The following HIBADH variants were observed in gnomAD, a reference collection of about 807,000 sequenced individuals.
HIBADH encodes 3-hydroxyisobutyrate dehydrogenase, mitochondrial.
HIBADH carries 25 observed loss-of-function variants against 36.1 expected under a neutral mutation model. The observed-to-expected ratio is 0.69, with a 90% CI of 0.50 to 0.97. HIBADH has a LOEUF of 0.97. HIBADH is among the 50% of genes least tolerant of loss of function. The pLI is 0.00. For missense variants in HIBADH, 421 were observed against 418.0 expected, an observed-to-expected ratio of 1.01 and a Z score of -0.06; for synonymous variants, 160 against 149.5, an observed-to-expected ratio of 1.07 and a Z score of -0.51.
rs544683853 is a variant in HIBADH, at chr7:27,620,515, A to C, written c.484+8856T>G. On this transcript the variant is annotated intron_variant, in intron 4 of 7. Transcript: ENST00000265395. ...AAAAACAAACCAAAACAAAACAAAA[A>C]AAAAACCCTGGCAGCCAAGAATACT... 3.0e-4 allele frequency among the ~76,000 whole-genome samples: 46 copies of C among 152,060 alleles called. No homozygotes were observed. In the South Asian group the frequency reaches 4.2e-3, roughly 14 times the overall value.
chr7:27,566,262 G>A (rs1784547255), intron 4 of HIBADH, among the ~76,000 whole-genome samples: 1 of 151,966 alleles, frequency 6.6e-6, no homozygotes, highest in Non-Finnish European at 1.5e-5. Flanking sequence ...AAATGTGGTA[G>A]AATTCATCAC....
chr7:27,526,002 T>A lies in HIBADH; in HGVS notation c.*212A>T, dbSNP rs1021267843. 3 of 352,650 alleles carry A rather than the reference T, an allele frequency of 8.5e-6. No individual in the cohort carries two copies. In the South Asian group the frequency reaches 2.3e-4, roughly 27 times the overall value. 21.8% of individuals were successfully genotyped at this position (352,650 alleles called of 1,614,324 possible). A position where few individuals can be genotyped will look rare whatever the true frequency, so the allele number is the denominator to read the frequency against. Reference sequence around the variant, plus strand: ...GTCAATTAAGCTAGTTAGCAGAGACTATCAGTGGCTTGCAGAAAAAAAATT... The same window carrying A: ...GTCAATTAAGCTAGTTAGCAGAGACAATCAGTGGCTTGCAGAAAAAAAATT... On this transcript the variant is annotated 3_prime_UTR_variant, in exon 8 of 8. Transcript: ENST00000265395.
At chr7:27,596,543 C>T (rs1785036880) in intron 4 of HIBADH, among the ~76,000 whole-genome samples, 1 of 152,214 alleles carries the variant, frequency 6.6e-6, no homozygotes, top group Admixed American at 6.5e-5. Flanking sequence ...CTTAAAATTT[C>T]TCCTACTGAT....
intron 4 of HIBADH, among the ~76,000 whole-genome samples, chr7:27,593,462 T>C (rs553304053): frequency 2.0e-5 from 3 of 152,196 alleles, no homozygotes; most frequent in Admixed American, 6.5e-5. Flanking sequence ...AAACATAATA[T>C]TGGTTGAGGA....
chr7:27,656,831 T>C (rs1786316633), intron 1 of HIBADH, among the ~76,000 whole-genome samples: 1 of 152,208 alleles, frequency 6.6e-6, no homozygotes, highest in Non-Finnish European at 1.5e-5. Flanking sequence ...TTTCATCAAA[T>C]GGGCATATGG....
intron 4 of HIBADH, among the ~76,000 whole-genome samples, chr7:27,610,352 C>T (rs966585559): frequency 6.6e-6 from 1 of 152,108 alleles, no homozygotes; most frequent in African/African-American, 2.4e-5. Flanking sequence ...ATTTCCATCA[C>T]CTCCAAAAGT....
chr7:27,545,087 T>C (rs1784217114), intron 4 of HIBADH, among the ~76,000 whole-genome samples: 1 of 152,184 alleles, frequency 6.6e-6, no homozygotes, highest in Admixed American at 6.5e-5. Flanking sequence ...GAACCAAATC[T>C]TATCTTCTCA....
At chr7:27,616,208 A>T (rs1055324253) in intron 4 of HIBADH, among the ~76,000 whole-genome samples, 18 of 152,134 alleles carry the variant, frequency 1.2e-4, no homozygotes, top group African/African-American at 4.3e-4. Flanking sequence ...ACAACCAGAT[A>T]TTGTGGGAAT....
intron 4 of HIBADH, among the ~76,000 whole-genome samples, chr7:27,561,638 T>A (rs1267145851): frequency 6.6e-6 from 1 of 152,176 alleles, no homozygotes; most frequent in Non-Finnish European, 1.5e-5. Context: ...TGATCAAATT[T>A]ATTCAAGTCT....
chr7:27,526,114 AG>A lies in HIBADH; in HGVS notation c.*99del. 1 of 954,740 alleles carries A rather than the reference AG, an allele frequency of 1.0e-6. No individual in the cohort carries two copies. Among genetic ancestry groups the A allele is most frequent in the Non-Finnish European group, 1.5e-6 (1 of 679,762 alleles). The allele number at this position is 954,740 out of a possible 1,614,324, so 59.1% of individuals were successfully genotyped here. The stretch of plus-strand genomic sequence containing the variant: ...GTGACCTAGACAATCAAAAGCAGAT[AG>A]GTGACCTTTGATTAAATCCATTTAC... On this transcript the variant is annotated 3_prime_UTR_variant, in exon 8 of 8. Transcript: ENST00000265395.
intron 7 of HIBADH, among the ~76,000 whole-genome samples, chr7:27,530,492 C>G (rs891838598): frequency 3.3e-5 from 5 of 152,152 alleles, no homozygotes; most frequent in African/African-American, 4.8e-5. Flanking sequence ...AAGGCATGAG[C>G]TATCGCGCCT....
At chr7:27,584,514 C>T (rs1218711225) in intron 4 of HIBADH, among the ~76,000 whole-genome samples, 1 of 152,002 alleles carries the variant, frequency 6.6e-6, no homozygotes, top group African/African-American at 2.4e-5. Flanking sequence ...CCCTCAGTTG[C>T]TTTCCTTGAA....
intron 4 of HIBADH, among the ~76,000 whole-genome samples, chr7:27,623,613 T>C (rs1314898693): frequency 6.6e-6 from 1 of 152,156 alleles, no homozygotes; most frequent in Non-Finnish European, 1.5e-5. Flanking sequence ...AAGAGTGATC[T>C]AGCCGAGAAG....
intron 4 of HIBADH, among the ~76,000 whole-genome samples, chr7:27,621,522 T>C (rs906389734): frequency 3.3e-5 from 5 of 152,192 alleles, no homozygotes; most frequent in African/African-American, 9.7e-5. Context: ...CCAGGCGCAG[T>C]GGCTCACACC....
intron 2 of HIBADH, 87 bp from the exon 3 acceptor site, chr7:27,632,532 C>T (rs1275848119): frequency 7.7e-6 from 6 of 775,922 alleles, no homozygotes; most frequent in South Asian, 4.4e-5. Context: ...TTCATGCATG[C>T]CTATAACAGT....
At chr7:27,537,355 C>T (rs1784084053) in intron 6 of HIBADH, among the ~76,000 whole-genome samples, 1 of 152,136 alleles carries the variant, frequency 6.6e-6, no homozygotes, top group Admixed American at 6.6e-5. Context: ...AAAACAACAG[C>T]ATCTTGATAT....
intron 4 of HIBADH, among the ~76,000 whole-genome samples, chr7:27,612,749 C>T (rs889296458): frequency 6.6e-6 from 1 of 150,950 alleles, no homozygotes; most frequent in Non-Finnish European, 1.5e-5. Flanking sequence ...GCCTGGGCAG[C>T]ACAGCCAGAC....
chr7:27,637,326 T>A (rs973149711), intron 2 of HIBADH, among the ~76,000 whole-genome samples: 1 of 152,234 alleles, frequency 6.6e-6, no homozygotes, highest in African/African-American at 2.4e-5. Context: ...TTTAAATCAC[T>A]GCATTCGCAA....
intron 1 of HIBADH, among the ~76,000 whole-genome samples, chr7:27,649,859 C>A (rs1786148040): frequency 6.6e-6 from 1 of 151,124 alleles, no homozygotes; most frequent in South Asian, 2.1e-4. Context: ...ACAGTGAGAT[C>A]CCATCTCAAA....
Sources: allele counts gnomAD v4.1 joint callset (sites outside exome capture counted in the v4.1 genomes callset), GRCh38; gene constraint gnomAD v4.1.1; transcripts MANE v1.5; gene names NCBI Gene and HGNC (gene_info 2026-07-23, HGNC 2026-07-21).